The following EYA4 variants were observed in gnomAD, a reference collection of about 807,000 sequenced individuals.
EYA4 encodes protein phosphatase EYA4.
EYA4 carries 31 observed loss-of-function variants against 87.9 expected under a neutral mutation model. That is an observed-to-expected ratio of 0.35 (90% CI 0.27 to 0.48). The LOEUF (loss-of-function observed/expected upper bound fraction) is 0.48, where lower values mean the gene tolerates loss of function less well. Among genes scored for constraint, EYA4 ranks in the 20% least tolerant of loss-of-function variants. The probability of loss-of-function intolerance (pLI) is 0.99; values close to 1 mark genes in which losing one functional copy is unlikely to be tolerated. For missense variants in EYA4, 678 were observed against 761.4 expected (o/e 0.89, Z 1.29); for synonymous variants, 263 against 270.6 (o/e 0.97, Z 0.28).
chr6:133,321,621 A>T (rs1007507516), intron 2 of EYA4, among the ~76,000 whole-genome samples: 1 of 152,176 alleles, frequency 6.6e-6, no homozygotes, highest in Non-Finnish European at 1.5e-5. Flanking sequence ...AGAAAAATTC[A>T]TGTTTAAATT....
intron 11 of EYA4, among the ~76,000 whole-genome samples, chr6:133,480,371 G>A (rs1177206397): frequency 6.6e-6 from 1 of 152,170 alleles, no homozygotes; most frequent in East Asian, 1.9e-4. Flanking sequence ...ATTAGCAGGA[G>A]TATTTTTATC....
chr6:133,341,468 G>A (rs751600769), intron 2 of EYA4, among the ~76,000 whole-genome samples: 13 of 152,092 alleles, frequency 8.5e-5, no homozygotes, highest in Non-Finnish European at 1.9e-4. Flanking sequence ...GAGAGATGTG[G>A]ATAAAACATT....
chr6:133,315,648 A>G (rs145846421), intron 2 of EYA4, among the ~76,000 whole-genome samples: 2 of 152,312 alleles, frequency 1.3e-5, no homozygotes, highest in East Asian at 3.9e-4. Flanking sequence ...GGGTGACTGA[A>G]GCAGAGTCAT....
chr6:133,245,537 A>G (rs1019320824), intron 1 of EYA4, among the ~76,000 whole-genome samples: 4 of 152,204 alleles, frequency 2.6e-5, no homozygotes, highest in African/African-American at 9.6e-5. Flanking sequence ...AAGGAAATCA[A>G]CACCAGGGGA....
intron 1 of EYA4, among the ~76,000 whole-genome samples, chr6:133,243,659 T>C (rs1368102456): frequency 1.3e-5 from 2 of 151,830 alleles, no homozygotes; most frequent in African/African-American, 4.8e-5. Flanking sequence ...AGTGCCTTTT[T>C]TTTTTTTTTT....
chr6:133,422,199 C>G (rs1018230188), intron 3 of EYA4, among the ~76,000 whole-genome samples: 1 of 152,124 alleles, frequency 6.6e-6, no homozygotes, highest in Admixed American at 6.5e-5. Context: ...ATGAGGGTCT[C>G]TATACTCCTC....
At chr6:133,292,883 C>G (rs1778602007) in intron 2 of EYA4, among the ~76,000 whole-genome samples, 1 of 152,196 alleles carries the variant, frequency 6.6e-6, no homozygotes, top group African/African-American at 2.4e-5. Flanking sequence ...CACAGTCCAA[C>G]TCTGTCATTT....
intron 2 of EYA4, among the ~76,000 whole-genome samples, chr6:133,364,941 C>G (rs2128453685): frequency 6.6e-6 from 1 of 152,266 alleles, no homozygotes; most frequent in East Asian, 1.9e-4. Context: ...TTTGTCCTTT[C>G]TTGGTTATGA....
chr6:133,393,780 C>T (rs1787511046), intron 3 of EYA4, among the ~76,000 whole-genome samples: 2 of 152,140 alleles, frequency 1.3e-5, no homozygotes, highest in Admixed American at 6.5e-5. Context: ...GGGGCTGATC[C>T]CCAACCAGGA....
intron 1 of EYA4, among the ~76,000 whole-genome samples, chr6:133,252,174 C>T (rs1774961972): frequency 6.6e-6 from 1 of 152,176 alleles, no homozygotes; most frequent in South Asian, 2.1e-4. Context: ...CATTGCCTTT[C>T]CATTTCTGTG....
At chr6:133,403,529 C>A (rs959865424) in intron 3 of EYA4, among the ~76,000 whole-genome samples, 1 of 152,164 alleles carries the variant, frequency 6.6e-6, no homozygotes, top group African/African-American at 2.4e-5. Flanking sequence ...AGATAGTACA[C>A]ATAGTATATA....
chr6:133,395,392 C>G (rs546738069), intron 3 of EYA4, among the ~76,000 whole-genome samples: 1 of 152,224 alleles, frequency 6.6e-6, no homozygotes, highest in East Asian at 1.9e-4. Flanking sequence ...CAAGTCTTTA[C>G]CTACACTAGT....
chr6:133,299,082 C>G (rs1779165325), intron 2 of EYA4, among the ~76,000 whole-genome samples: 1 of 152,104 alleles, frequency 6.6e-6, no homozygotes, highest in Admixed American at 6.5e-5. Context: ...CCACAAGCGA[C>G]TTGGGGGAAG....
At chr6:133,343,456 A>G (rs1480682857) in intron 2 of EYA4, among the ~76,000 whole-genome samples, 2 of 151,920 alleles carry the variant, frequency 1.3e-5, no homozygotes, top group East Asian at 3.9e-4. Context: ...TTCACCTGCT[A>G]TCCTGGATCA....
chr6:133,381,750 G>C (rs1786244921), intron 2 of EYA4, among the ~76,000 whole-genome samples: 1 of 152,144 alleles, frequency 6.6e-6, no homozygotes, highest in African/African-American at 2.4e-5. Flanking sequence ...ACCATCTTTA[G>C]AGGATGTACC....
At chr6:133,461,606 A>G (rs1012409536) in intron 7 of EYA4, among the ~76,000 whole-genome samples, 3 of 152,110 alleles carry the variant, frequency 2.0e-5, no homozygotes, top group African/African-American at 7.2e-5. Flanking sequence ...TCTTAAGTTT[A>G]ACTATATTGG....
chr6:133,322,831 G>A (rs1342202183), intron 2 of EYA4, among the ~76,000 whole-genome samples: 1 of 152,096 alleles, frequency 6.6e-6, no homozygotes, highest in Admixed American at 6.6e-5. Context: ...ATTACCTCTA[G>A]TAAAAGTAAA....
chr6:133,279,038 A>G (rs746082876), intron 2 of EYA4, among the ~76,000 whole-genome samples: 3 of 152,126 alleles, frequency 2.0e-5, no homozygotes, highest in Non-Finnish European at 4.4e-5. Flanking sequence ...TAATATCTTT[A>G]TAGATTGAGG....
chr6:133,396,224 AT>A (rs1787789593), intron 3 of EYA4, among the ~76,000 whole-genome samples: 1 of 152,218 alleles, frequency 6.6e-6, no homozygotes, highest in East Asian at 1.9e-4. Flanking sequence ...TCAAAATTCC[AT>A]ACCTGTCAGA....
Sources: gnomAD v4.1 joint callset for allele counts (sites outside exome capture counted in the v4.1 genomes callset) on GRCh38, gnomAD v4.1.1 for gene constraint, MANE v1.5 for transcripts, NCBI Gene and HGNC (gene_info 2026-07-23, HGNC 2026-07-21) for gene names.